Variants in RINT1 observed in about 807,000 individuals in gnomAD.
RINT1 encodes the protein RAD50 interactor 1.
Under a neutral mutation model 97.7 loss-of-function variants are expected in RINT1, and 75 were observed. That is an observed-to-expected ratio of 0.77 (90% confidence interval 0.64 to 0.93). The LOEUF (loss-of-function observed/expected upper bound fraction) is 0.93, where lower values mean the gene tolerates loss of function less well. Among genes scored for constraint, RINT1 ranks in the 40% least tolerant of loss-of-function variants. RINT1 has a pLI of 0.00. For synonymous variants in RINT1, 303 were observed against 326.3 expected, an observed-to-expected ratio of 0.93 and a Z score of 0.77; for missense variants, 892 against 925.2, an observed-to-expected ratio of 0.96 and a Z score of 0.47.
chr7:105,548,459 A>G, intron 6 of RINT1, 95 bp from the exon 7 acceptor site: 1 of 1,160,482 alleles, frequency 8.6e-7, no homozygotes. Flanking sequence ...TATCTGATAC[A>G]TTTGTTGGAA....
At chr7:105,560,277 G>C (rs573000503) in intron 11 of RINT1, among the ~76,000 whole-genome samples, 20 of 152,250 alleles carry the variant, frequency 1.3e-4, no homozygotes, top group African/African-American at 4.8e-4. Context: ...CCAGGGCATG[G>C]TATTACCAAG....
chr7:105,540,632 C>T (rs1450632490), intron 3 of RINT1, among the ~76,000 whole-genome samples: 1 of 151,890 alleles, frequency 6.6e-6, no homozygotes, highest in Non-Finnish European at 1.5e-5. Flanking sequence ...TCCTGACCTC[C>T]AGTGACCTGC....
chr7:105,566,991 C>T (rs1478250846), intron 14 of RINT1, 128 bp from the exon 15 acceptor site: 1 of 488,910 alleles, frequency 2.0e-6, no homozygotes, highest in East Asian at 3.3e-5. Context: ...AATAATAAAT[C>T]CATAAATATT....
intron 4 of RINT1, among the ~76,000 whole-genome samples, chr7:105,546,406 A>G (rs1027122470): frequency 1.3e-5 from 2 of 152,176 alleles, no homozygotes; most frequent in Admixed American, 6.6e-5. Flanking sequence ...GCAGAAGTAG[A>G]GGACTCTAGG....
In RINT1 at chr7:105,548,620, C is replaced by T; in HGVS notation, c.906C>T (p.Val302=). ...EKYSLPASPS[V]ILPIQVMLTP... ...ACTCTCTTCCTGCCTCCCCTTCTGT[C>T]ATCCTGCCCATCCAGGTTATGCTGA... The change falls in exon 7 of 15, where the codon GTC becomes GTT. Residue 302 remains valine (V), a synonymous_variant. Coordinates refer to ENST00000257700, the MANE Select transcript of RINT1 (RefSeq NM_021930.6). The T allele has an allele frequency of 6.2e-7, 1 of 1,614,122 alleles. No homozygotes were observed. The highest frequency in any genetic ancestry group is 8.5e-7 in the Non-Finnish European group (1 of 1,179,962).
chr7:105,532,263 C>T lies in RINT1; in HGVS notation c.-53C>T. On this transcript the variant is annotated 5_prime_UTR_variant, in exon 1 of 15. Coordinates refer to ENST00000257700, the MANE Select transcript of RINT1 (RefSeq NM_021930.6). ...GAGTGTGTCGCTGGCCTTAGCCAGA[C>T]TCCACAGGCCACGCTGGCTGCGAAT... 5.2e-6 allele frequency: 8 copies of T among 1,542,998 alleles called. No homozygotes were observed. The highest frequency in any genetic ancestry group is 5.2e-6 in the Non-Finnish European group (6 of 1,146,930).
chr7:105,538,683 C>A, intron 3 of RINT1, among the ~76,000 whole-genome samples: 1 of 152,160 alleles, frequency 6.6e-6, no homozygotes, highest in East Asian at 1.9e-4. Flanking sequence ...TCCATTCTGC[C>A]CTTTCCTTTT....
In RINT1 at chr7:105,535,322, C is replaced by T. The variant is rs564623302; in HGVS notation, c.89-1243C>T. 1.3e-4 allele frequency among the ~76,000 whole-genome samples: 19 copies of T among 149,014 alleles called. No homozygotes were observed. The East Asian group carries it at 2.2e-3, about 17-fold the overall frequency. ...TCGGCTCACTGCAACCTCCGCCTCC[C>T]GGGTTCAAGCGATTCTTCTGCCTCA... On this transcript the variant is annotated intron_variant, in intron 2 of 14. Transcript: ENST00000257700.
chr7:105,534,176 T>G (rs540626713), intron 2 of RINT1, among the ~76,000 whole-genome samples: 1 of 152,146 alleles, frequency 6.6e-6, no homozygotes, highest in Non-Finnish European at 1.5e-5. Context: ...TTCAAGTAAT[T>G]CCCCTGCCTC....
At chr7:105,555,491 T>C (rs1039671235) in intron 11 of RINT1, 82 of 263,362 alleles carry the variant, frequency 3.1e-4, no homozygotes, top group African/African-American at 1.7e-3. Flanking sequence ...TGAACCATAC[T>C]TGGAAATATT....
At chr7:105,565,754 T>C (rs1791699995) in intron 14 of RINT1, 106 bp downstream of exon 14, 2 of 722,058 alleles carry the variant, frequency 2.8e-6, no homozygotes, top group East Asian at 2.6e-5. Context: ...ATAAGATCAG[T>C]TGAAATTTTA....
intron 11 of RINT1, among the ~76,000 whole-genome samples, chr7:105,561,639 G>T (rs889774635): frequency 2.6e-5 from 4 of 152,132 alleles, no homozygotes; most frequent in Admixed American, 1.3e-4. Context: ...TCGGCTTACT[G>T]CAAACTCTGC....
intron 9 of RINT1, among the ~76,000 whole-genome samples, chr7:105,550,902 G>A (rs1449239936): frequency 1.3e-5 from 2 of 152,078 alleles, no homozygotes; most frequent in South Asian, 2.1e-4. Flanking sequence ...TTACAGGCAC[G>A]CACTACCACG....
At chr7:105,546,001 G>A (rs1257500699) in intron 4 of RINT1, among the ~76,000 whole-genome samples, 1 of 137,736 alleles carries the variant, frequency 7.3e-6, no homozygotes, top group East Asian at 2.4e-4. Flanking sequence ...ATGGGGGATG[G>A]GGAAGGGGGG....
chr7:105,563,960 T>G lies in RINT1; in HGVS notation c.1886+13T>G. 6.3e-7 allele frequency: 1 copy of G among 1,588,038 alleles called. No individual in the cohort carries two copies. Among genetic ancestry groups the G allele is most frequent in the East Asian group, 2.2e-5 (1 of 44,752 alleles). On this transcript the variant is annotated intron_variant, in intron 12 of 14. Coordinates refer to ENST00000257700, the MANE Select transcript of RINT1 (RefSeq NM_021930.6). ...ATAAAAAAGAAAGGTATGTCCTCTA[T>G]GTAAGTCAGCTCTTAACACCAGTTT...
chr7:105,539,886 A>G (rs957195826), intron 3 of RINT1, among the ~76,000 whole-genome samples: 1 of 152,170 alleles, frequency 6.6e-6, no homozygotes, highest in Non-Finnish European at 1.5e-5. Flanking sequence ...CTTATATACC[A>G]AAGTGACCTG....
intron 3 of RINT1, 177 bp from the exon 4 acceptor site, chr7:105,542,231 A>T: frequency 1.7e-6 from 1 of 577,524 alleles, no homozygotes; most frequent in Non-Finnish European, 3.1e-6. Context: ...ACTACTGGGG[A>T]GGTTGAGGTG....
At chr7:105,557,409 C>T (rs1791227870) in intron 11 of RINT1, among the ~76,000 whole-genome samples, 1 of 151,944 alleles carries the variant, frequency 6.6e-6, no homozygotes, top group African/African-American at 2.4e-5. Context: ...CCAGATGAGT[C>T]ACAAAGATGG....
chr7:105,549,146 C>G (rs143898084), intron 7 of RINT1, among the ~76,000 whole-genome samples: 2 of 151,754 alleles, frequency 1.3e-5, no homozygotes, highest in Non-Finnish European at 2.9e-5. Flanking sequence ...TGTCACCACA[C>G]TGGACTAATT....
Sources: allele counts gnomAD v4.1 joint callset (sites outside exome capture counted in the v4.1 genomes callset), GRCh38; gene constraint gnomAD v4.1.1; transcripts MANE v1.5; gene names NCBI Gene and HGNC (gene_info 2026-07-23, HGNC 2026-07-21).